Variants in PTPRD observed in about 807,000 individuals in gnomAD.
PTPRD encodes the protein receptor-type tyrosine-protein phosphatase delta.
In PTPRD, 34 loss-of-function variants were observed where a neutral mutation model predicts 214.5. That is an observed-to-expected ratio of 0.16 (90% CI 0.12 to 0.21). The LOEUF is 0.21. Among genes scored for constraint, PTPRD ranks in the 10% least tolerant of loss-of-function variants. The pLI, the probability that PTPRD is intolerant of heterozygous loss-of-function variation, is 1.00. For synonymous variants in PTPRD, 1,128 were observed against 845.7 expected (o/e 1.33, Z -5.79); for missense variants, 2,545 against 2,398.7 (o/e 1.06, Z -1.27).
At chr9:10,442,045 C>T (rs1045790017) in intron 2 of PTPRD, among the ~76,000 whole-genome samples, 6 of 151,446 alleles carry the variant, frequency 4.0e-5, no homozygotes, top group African/African-American at 1.2e-4. Flanking sequence ...TGTTTGAAGA[C>T]CTTACATAAT....
intron 5 of PTPRD, among the ~76,000 whole-genome samples, chr9:9,872,247 C>T (rs2065653693): frequency 6.6e-6 from 1 of 152,088 alleles, no homozygotes; most frequent in African/African-American, 2.4e-5. Flanking sequence ...AAATTGAATT[C>T]CAGCCAGAAT....
At chr9:9,266,692 A>G (rs1212623305) in intron 9 of PTPRD, among the ~76,000 whole-genome samples, 1 of 151,284 alleles carries the variant, frequency 6.6e-6, no homozygotes, top group Non-Finnish European at 1.5e-5. Flanking sequence ...ATTAAACAGC[A>G]CACCCCTGAA....
intron 10 of PTPRD, among the ~76,000 whole-genome samples, chr9:9,079,646 G>A (rs558390312): frequency 1.6e-4 from 25 of 152,086 alleles, no homozygotes; most frequent in East Asian, 9.7e-4. Context: ...GTTAGCTGTC[G>A]GTCTCATATC....
chr9:9,148,055 T>C (rs1169297234), intron 10 of PTPRD, among the ~76,000 whole-genome samples: 1 of 152,200 alleles, frequency 6.6e-6, no homozygotes, highest in Admixed American at 6.5e-5. Flanking sequence ...TTAATACGCA[T>C]ATGGAAGCAT....
intron 5 of PTPRD, among the ~76,000 whole-genome samples, chr9:9,860,830 A>C (rs1243414856): frequency 6.6e-6 from 1 of 152,200 alleles, no homozygotes; most frequent in Non-Finnish European, 1.5e-5. Flanking sequence ...TTTATCACCA[A>C]AGCACAAAAC....
At chr9:9,579,820 C>T (rs1350977183) in intron 7 of PTPRD, among the ~76,000 whole-genome samples, 1 of 152,052 alleles carries the variant, frequency 6.6e-6, no homozygotes, top group Non-Finnish European at 1.5e-5. Context: ...TCCATTGTAC[C>T]CATTAAGTAA....
intron 8 of PTPRD, among the ~76,000 whole-genome samples, chr9:9,486,177 A>AAAAAAAC (rs2095626131): frequency 7.0e-6 from 1 of 142,558 alleles, no homozygotes; most frequent in Non-Finnish European, 1.5e-5. Flanking sequence ...AAAAAAAAAA[A>AAAAAAAC]AAAAAAAAGC....
intron 33 of PTPRD, among the ~76,000 whole-genome samples, chr9:8,453,449 C>A (rs2096050332): frequency 6.6e-6 from 1 of 152,210 alleles, no homozygotes; most frequent in East Asian, 1.9e-4. Context: ...CAGGCGTGAG[C>A]CACCATGCCT....
At chr9:8,851,322 G>C (rs182937688) in intron 11 of PTPRD, among the ~76,000 whole-genome samples, 2 of 152,102 alleles carry the variant, frequency 1.3e-5, no homozygotes, top group East Asian at 3.9e-4. Context: ...ATAAAATTTA[G>C]ACTTTAGAGA....
chr9:9,538,431 C>G (rs961488651), intron 8 of PTPRD, among the ~76,000 whole-genome samples: 1 of 151,822 alleles, frequency 6.6e-6, no homozygotes, highest in African/African-American at 2.4e-5. Flanking sequence ...ATGTTCCTCC[C>G]TTAGAACACA....
At chr9:9,060,060 CTT>C (rs1412113679) in intron 10 of PTPRD, among the ~76,000 whole-genome samples, 1 of 152,032 alleles carries the variant, frequency 6.6e-6, no homozygotes, top group Non-Finnish European at 1.5e-5. Context: ...GATAAGTTGA[CTT>C]TAAAATTTAT....
chr9:10,203,600 G>A (rs941398034), intron 3 of PTPRD, among the ~76,000 whole-genome samples: 2 of 152,162 alleles, frequency 1.3e-5, no homozygotes, highest in Non-Finnish European at 2.9e-5. Context: ...CAAGGGGCTA[G>A]ATAAGCTCTA....
At chr9:9,712,422 T>C (rs1263844392) in intron 7 of PTPRD, among the ~76,000 whole-genome samples, 2 of 152,194 alleles carry the variant, frequency 1.3e-5, no homozygotes, top group Non-Finnish European at 2.9e-5. Flanking sequence ...TACTTTTTAC[T>C]CCAGTTCATT....
chr9:8,589,412 C>T (rs566085012), intron 14 of PTPRD, among the ~76,000 whole-genome samples: 28 of 152,326 alleles, frequency 1.8e-4, no homozygotes, highest in African/African-American at 6.5e-4. Context: ...AGCATAATCA[C>T]AGCGACTTTC....
intron 11 of PTPRD, among the ~76,000 whole-genome samples, chr9:8,956,060 G>C (rs2099129932): frequency 6.6e-6 from 1 of 151,882 alleles, no homozygotes; most frequent in Non-Finnish European, 1.5e-5. Context: ...TTGCAACAAA[G>C]CTGAATTATG....
chr9:10,214,640 T>C (rs2099533022), intron 3 of PTPRD, among the ~76,000 whole-genome samples: 1 of 151,966 alleles, frequency 6.6e-6, no homozygotes, highest in African/African-American at 2.4e-5. Flanking sequence ...TGTTGCTGTA[T>C]AAAAACATGT....
intron 5 of PTPRD, among the ~76,000 whole-genome samples, chr9:9,929,182 C>G (rs1214616628): frequency 6.6e-6 from 1 of 152,102 alleles, no homozygotes; most frequent in Non-Finnish European, 1.5e-5. Flanking sequence ...TTAGGATGTG[C>G]ATACTGGGGG....
rs535925664 is a variant in PTPRD, at chr9:8,327,412, T to C, written c.5534+4170A>G. 2.6e-5 allele frequency among the ~76,000 whole-genome samples: 4 copies of C among 152,000 alleles called. No individual in the cohort carries two copies. In the East Asian group the frequency reaches 7.7e-4, roughly 29 times the overall value. On this transcript the variant is annotated intron_variant, in intron 44 of 45. Transcript: ENST00000381196. ...TGGTCTGAGAGACTGTTTGTTATGATTTCTGTTCTTTTGCATTTGCTGAGG... is the reference window on the plus strand; with the variant it reads ...TGGTCTGAGAGACTGTTTGTTATGACTTCTGTTCTTTTGCATTTGCTGAGG...
chr9:8,942,526 C>G (rs937459137), intron 11 of PTPRD, among the ~76,000 whole-genome samples: 10 of 152,116 alleles, frequency 6.6e-5, no homozygotes, highest in Non-Finnish European at 1.0e-4. Context: ...GGAAAAAATC[C>G]TACTCAAAGA....
Sources: allele counts gnomAD v4.1 joint callset (sites outside exome capture counted in the v4.1 genomes callset), GRCh38; gene constraint gnomAD v4.1.1; transcripts MANE v1.5; gene names NCBI Gene and HGNC (gene_info 2026-07-23, HGNC 2026-07-21).